The following LPCAT2 variants were observed in gnomAD, a reference collection of about 807,000 sequenced individuals.
LPCAT2 encodes lysophosphatidylcholine acyltransferase 2, also known as 1-AGP acyltransferase 11.
LPCAT2 carries 58 observed loss-of-function variants against 64.7 expected under a neutral mutation model. The ratio of observed to expected loss-of-function variants is 0.90; its 90% CI spans 0.73 to 1.12. The LOEUF (loss-of-function observed/expected upper bound fraction) is 1.12. Ranked by LOEUF, LPCAT2 falls within the 50% of genes most tolerant of loss-of-function variation. LPCAT2 has a pLI of 0.00. For missense variants in LPCAT2, 579 were observed against 669.8 expected, an observed-to-expected ratio of 0.86 and a Z score of 1.50; for synonymous variants, 252 against 245.3, an observed-to-expected ratio of 1.03 and a Z score of -0.26.
chr16:55,517,022 A>G (rs1272784576), intron 1 of LPCAT2, among the ~76,000 whole-genome samples: 1 of 152,216 alleles, frequency 6.6e-6, no homozygotes, highest in African/African-American at 2.4e-5. Flanking sequence ...AATTACTTCT[A>G]AATAACCAGT....
At position 55,573,493 on chromosome 16, in the gene LPCAT2, C is replaced by T. The variant is rs1174115039; in HGVS notation, c.1216-1138C>T. Among the ~76,000 whole-genome samples the T allele has an allele frequency of 3.3e-5, 5 of 151,636 alleles. No individual in the cohort carries two copies. The East Asian group carries it at 5.8e-4, about 18-fold the overall frequency. Reference sequence around the variant, plus strand: ...GCTTTTAAGAAACTTTTGATTGAAGCGTAGATACTTCAACACAGATGATTA... The same window carrying T: ...GCTTTTAAGAAACTTTTGATTGAAGTGTAGATACTTCAACACAGATGATTA... On this transcript the variant is annotated intron_variant, in intron 11 of 13. Transcript: ENST00000262134.
chr16:55,555,344 C>T lies in LPCAT2; in HGVS notation c.1215+4242C>T, dbSNP rs557451754. 9.2e-5 allele frequency among the ~76,000 whole-genome samples: 14 copies of T among 152,226 alleles called. No homozygotes were observed. The South Asian group carries it at 2.9e-3, about 32-fold the overall frequency. On this transcript the variant is annotated intron_variant, in intron 11 of 13. Transcript: ENST00000262134. ...TTTTGCAGCCTTACTAGTTGTTCTT[C>T]AAGTTTTGACTTTCCTCACCAATCC...
At chr16:55,548,157 A>G (rs1197191902) in intron 9 of LPCAT2, among the ~76,000 whole-genome samples, 1 of 152,250 alleles carries the variant, frequency 6.6e-6, no homozygotes, top group African/African-American at 2.4e-5. Context: ...TAAAGACATA[A>G]TTTTATGGTT....
chr16:55,577,023 G>C (rs1157349153), intron 12 of LPCAT2, among the ~76,000 whole-genome samples: 1 of 152,210 alleles, frequency 6.6e-6, no homozygotes, highest in Non-Finnish European at 1.5e-5. Context: ...TCTGAAGAAA[G>C]CTTAGAGCTT....
chr16:55,566,803 G>A, intron 11 of LPCAT2: 1 of 1,613,788 alleles, frequency 6.2e-7, no homozygotes, highest in Non-Finnish European at 8.5e-7. Flanking sequence ...CGAGGTCTTG[G>A]AGAAGCTCTT....
intron 9 of LPCAT2, among the ~76,000 whole-genome samples, chr16:55,548,586 A>T (rs1963479817): frequency 1.3e-5 from 2 of 152,100 alleles, no homozygotes; most frequent in Admixed American, 6.6e-5. Context: ...GCAGTGGTGC[A>T]GTCTCAGCTC....
intron 1 of LPCAT2, among the ~76,000 whole-genome samples, chr16:55,522,961 C>T (rs541189627): frequency 3.4e-4 from 52 of 151,616 alleles, no homozygotes; most frequent in Non-Finnish European, 6.2e-4. Flanking sequence ...ATAAATTAAA[C>T]TTCATCATAA....
chr16:55,546,547 T>C (rs1349805575), intron 9 of LPCAT2, among the ~76,000 whole-genome samples: 2 of 152,228 alleles, frequency 1.3e-5, no homozygotes, highest in South Asian at 4.1e-4. Context: ...GCTTCATAGC[T>C]GAATTTAGCT....
At chr16:55,555,651 C>G (rs1295218651) in intron 11 of LPCAT2, among the ~76,000 whole-genome samples, 1 of 152,170 alleles carries the variant, frequency 6.6e-6, no homozygotes, top group Non-Finnish European at 1.5e-5. Context: ...TAACAAGATG[C>G]TGTTAAGCAA....
chr16:55,538,248 G>A (rs9921438), intron 8 of LPCAT2: 15,709 of 152,242 alleles, frequency 0.1, 1,082 homozygotes, highest in African/African-American at 0.19. Flanking sequence ...TTCTAGATAT[G>A]ATGTAGAGTA....
intron 7 of LPCAT2, 132 bp from the exon 8 acceptor site, chr16:55,537,446 T>A: frequency 1.5e-6 from 1 of 645,330 alleles, no homozygotes; most frequent in Non-Finnish European, 2.6e-6. Context: ...AGCTGCAGTG[T>A]AGCATTTATA....
chr16:55,531,245 T>G (rs560844514), intron 4 of LPCAT2, among the ~76,000 whole-genome samples: 2 of 152,320 alleles, frequency 1.3e-5, no homozygotes, highest in Admixed American at 1.3e-4. Context: ...TATTTTATTT[T>G]ATTCACTTAG....
At chr16:55,519,282 C>T (rs988363101) in intron 1 of LPCAT2, among the ~76,000 whole-genome samples, 5 of 151,400 alleles carry the variant, frequency 3.3e-5, no homozygotes, top group Admixed American at 1.3e-4. Flanking sequence ...GGGCGGATCA[C>T]GGGGTCAGGA....
intron 7 of LPCAT2, among the ~76,000 whole-genome samples, chr16:55,535,655 T>C (rs1345385194): frequency 1.3e-5 from 2 of 152,176 alleles, no homozygotes; most frequent in Non-Finnish European, 2.9e-5. Flanking sequence ...CTTTTAGACA[T>C]GGAAGAATTG....
At chr16:55,574,943 A>G (rs1963811493) in intron 12 of LPCAT2, among the ~76,000 whole-genome samples, 1 of 152,212 alleles carries the variant, frequency 6.6e-6, no homozygotes, top group African/African-American at 2.4e-5. Flanking sequence ...AGCCTAATTA[A>G]CAACATCAAG....
Position 55,554,432 on chromosome 16 carries a change from C to T in LPCAT2, c.1215+3330C>T, listed in dbSNP as rs117250935. Among the ~76,000 whole-genome samples, 223 of 152,316 alleles carry T rather than the reference C, an allele frequency of 1.5e-3. 2 individuals carry two copies. Among genetic ancestry groups the T allele is most frequent in the Non-Finnish European group, 2.5e-3 (173 of 68,010 alleles). On this transcript the variant is annotated intron_variant, in intron 11 of 13. Transcript: ENST00000262134. ...TCTTTTCTTGAACCTCATGAACCAA[C>T]CTCTGCTAGCTTCAATCTTTTCTTC...
chr16:55,581,044 A>G (rs940729719), intron 13 of LPCAT2, among the ~76,000 whole-genome samples: 2 of 152,190 alleles, frequency 1.3e-5, no homozygotes, highest in South Asian at 4.1e-4. Context: ...CTTTATTTTC[A>G]GTTTTCCATT....
At chr16:55,554,627 C>CT (rs1963554488) in intron 11 of LPCAT2, among the ~76,000 whole-genome samples, 1 of 152,162 alleles carries the variant, frequency 6.6e-6, no homozygotes, top group Admixed American at 6.5e-5. Context: ...TTTGTGTGTT[C>CT]ACTGGGGTAG....
At chr16:55,514,486 GACTTTA>G (rs1228057805) in intron 1 of LPCAT2, among the ~76,000 whole-genome samples, 1 of 152,166 alleles carries the variant, frequency 6.6e-6, no homozygotes, top group Non-Finnish European at 1.5e-5. Flanking sequence ...ACTGGTCAGA[GACTTTA>G]ACTTTAGTAG....
Sources: gnomAD v4.1 joint callset for allele counts (sites outside exome capture counted in the v4.1 genomes callset) on GRCh38, gnomAD v4.1.1 for gene constraint, MANE v1.5 for transcripts, NCBI Gene and HGNC (gene_info 2026-07-23, HGNC 2026-07-21) for gene names.